The following TSPAN19 variants were observed in gnomAD, a reference collection of about 807,000 sequenced individuals.
TSPAN19 encodes tetraspanin 19, also known as tetraspanin-19.
In TSPAN19, 44 loss-of-function variants were observed where a neutral mutation model predicts 35.1. That is an observed-to-expected ratio of 1.25 (90% CI 0.98 to 1.61). TSPAN19 has a LOEUF of 1.61. TSPAN19 is among the 40% of genes most tolerant of loss of function. The pLI is 0.00. For synonymous variants in TSPAN19, 79 were observed against 92.0 expected, an observed-to-expected ratio of 0.86 and a Z score of 0.81; for missense variants, 290 against 280.0, an observed-to-expected ratio of 1.04 and a Z score of -0.26.
chr12:85,024,896 C>A lies in TSPAN19; in HGVS notation c.265-1496G>T, dbSNP rs1467742129. The A allele has an allele frequency of 3.3e-5, 5 of 151,914 alleles. No individual in the cohort carries two copies. The East Asian group carries it at 7.7e-4, about 24-fold the overall frequency. 9.4% of individuals were successfully genotyped at this position (151,914 alleles called of 1,614,324 possible). A position where few individuals can be genotyped will look rare whatever the true frequency, so the allele number is the denominator to read the frequency against. On this transcript the variant is annotated intron_variant, in intron 4 of 8. Transcript: ENST00000532498. ...TATTATTTATTTACTTTTTACTTGA[C>A]CCTCAGAGATAAAAATTATTTAATT...
rs976180906 is a variant in TSPAN19, at chr12:85,029,702, C to T, written c.139+17G>A. 1.3e-6 allele frequency: 2 copies of T among 1,521,780 alleles called. No homozygotes were observed. Among genetic ancestry groups the T allele is most frequent in the Non-Finnish European group, 1.8e-6 (2 of 1,133,904 alleles). The allele number at this position is 1,521,780 out of a possible 1,614,324, so 94.3% of individuals were successfully genotyped here. A position where few individuals can be genotyped will look rare whatever the true frequency, so the allele number is the denominator to read the frequency against. ...AATGTCTATTTCACTGAGAGAAAAA[C>T]AAAAATAGATACATACCAAAAGCTG... On this transcript the variant is annotated intron_variant, in intron 3 of 8. Transcript: ENST00000532498.
At chr12:85,030,508 A>C (rs1877634093) in intron 1 of TSPAN19, among the ~76,000 whole-genome samples, 1 of 151,956 alleles carries the variant, frequency 6.6e-6, no homozygotes, top group Non-Finnish European at 1.5e-5. Flanking sequence ...TTGCCTCTCA[A>C]ATTTCTCATT....
intron 5 of TSPAN19, among the ~76,000 whole-genome samples, chr12:85,021,889 C>T (rs185812115): frequency 4.6e-5 from 7 of 152,150 alleles, no homozygotes; most frequent in Non-Finnish European, 7.4e-5. Flanking sequence ...TAAAGTAGGA[C>T]TTACAGTGCT....
At position 85,028,022 on chromosome 12, in the gene TSPAN19, A is replaced by G. The variant is rs771716209; in HGVS notation, c.141T>C (p.Asp47=). The G allele has an allele frequency of 6.5e-7, 1 of 1,544,608 alleles. No homozygotes were observed. The highest frequency in any genetic ancestry group is 2.3e-5 in the East Asian group (1 of 43,554). ...LDRNNFLTAF[D]ENNHFIVPIS... ...TAGGTACTATGAAGTGATTATTTTC[A>G]TCTGTGAAAAGTACAAATTTACTTA... Residue 47 remains aspartate, a splice_region_variant and synonymous_variant, in exon 4 of 9, where the codon GAT becomes GAC. Transcript: ENST00000532498.
chr12:85,014,857 G>C (rs566785484), intron 8 of TSPAN19: 2 of 200,124 alleles, frequency 1.0e-5, no homozygotes, highest in African/African-American at 4.6e-5. Context: ...TGGTTTTCTT[G>C]TTGTTGTTGT....
intron 7 of TSPAN19, chr12:85,016,398 CACA>C (rs1194031833): frequency 3.3e-5 from 5 of 152,124 alleles, no homozygotes; most frequent in African/African-American, 4.8e-5. Context: ...ATAAATTAGG[CACA>C]ACAAGAGATT....
chr12:85,024,335 G>A (rs1032118250), intron 4 of TSPAN19, among the ~76,000 whole-genome samples: 3 of 152,168 alleles, frequency 2.0e-5, no homozygotes, highest in African/African-American at 7.2e-5. Context: ...GGAGTTTTCA[G>A]AAAGTCCTTA....
intron 1 of TSPAN19, among the ~76,000 whole-genome samples, chr12:85,035,520 T>C (rs1877937843): frequency 6.6e-6 from 1 of 152,166 alleles, no homozygotes; most frequent in Non-Finnish European, 1.5e-5. Flanking sequence ...AATTCAAGTT[T>C]ATTGTTACCA....
chr12:85,032,577 A>C (rs1355246540), intron 1 of TSPAN19, among the ~76,000 whole-genome samples: 2 of 152,130 alleles, frequency 1.3e-5, no homozygotes, highest in Non-Finnish European at 2.9e-5. Context: ...AAACACAACA[A>C]ACTGTGCATC....
At chr12:85,027,271 C>G (rs1463376618) in intron 4 of TSPAN19, among the ~76,000 whole-genome samples, 1 of 151,912 alleles carries the variant, frequency 6.6e-6, no homozygotes, top group Non-Finnish European at 1.5e-5. Flanking sequence ...CAATGGTAGA[C>G]ACTATTATTA....
intron 4 of TSPAN19, among the ~76,000 whole-genome samples, chr12:85,023,952 T>C (rs1877264299): frequency 6.6e-6 from 1 of 152,152 alleles, no homozygotes. Flanking sequence ...GTCTTCTTCA[T>C]CATAGCTGTT....
rs1419209769 is a variant in TSPAN19 at position 85,015,915 on chromosome 12, T to G, written c.651A>C (p.Gly217=). The G allele has an allele frequency of 6.5e-7, 1 of 1,549,514 alleles. No homozygotes were observed. Among genetic ancestry groups the G allele is most frequent in the Non-Finnish European group, 8.7e-7 (1 of 1,146,246 alleles). The change falls in exon 8 of 9, where the codon GGA becomes GGC. Residue 217 remains glycine (G), a synonymous_variant. Coordinates refer to ENST00000532498, the MANE Select transcript of TSPAN19 (RefSeq NM_001100917.2). The part of the protein sequence containing the change: ...WYNVNVLTLI[G]INFGLLTSEV... ...CTGAAGTTAAAAGTCCAAAGTTAATTCCGATTAAGGTTAACACATTAACAT... is the reference window on the plus strand; with the variant it reads ...CTGAAGTTAAAAGTCCAAAGTTAATGCCGATTAAGGTTAACACATTAACAT...
intron 5 of TSPAN19, among the ~76,000 whole-genome samples, chr12:85,021,992 C>T (rs556228871): frequency 1.3e-5 from 2 of 152,110 alleles, no homozygotes; most frequent in African/African-American, 2.4e-5. Context: ...GTTCTTATTT[C>T]TAATATATAG....
At chr12:85,022,347 T>G (rs2135801855) in intron 5 of TSPAN19, among the ~76,000 whole-genome samples, 1 of 152,188 alleles carries the variant, frequency 6.6e-6, no homozygotes, top group South Asian at 2.1e-4. Context: ...TGGAGGGCAA[T>G]GGTATCATAC....
At chr12:85,015,719 C>T (rs2135790094) in intron 8 of TSPAN19, 169 bp downstream of exon 8, 1 of 494,958 alleles carries the variant, frequency 2.0e-6, no homozygotes, top group East Asian at 3.4e-5. Flanking sequence ...GCTCCCCTGA[C>T]CTGGCTGATT....
chr12:85,027,309 G>T (rs1877461934), intron 4 of TSPAN19, among the ~76,000 whole-genome samples: 1 of 152,104 alleles, frequency 6.6e-6, no homozygotes, highest in South Asian at 2.1e-4. Flanking sequence ...GTGGGGCAAA[G>T]GTTGAAAAGT....
chr12:85,019,834 A>G, intron 5 of TSPAN19, 98 bp from the exon 6 acceptor site: 1 of 570,684 alleles, frequency 1.8e-6, no homozygotes, highest in East Asian at 3.1e-5. Context: ...TCATGAAAAG[A>G]ATATTCAATA....
At chr12:85,017,099 T>C (rs2135792476) in intron 7 of TSPAN19, 1 of 207,122 alleles carries the variant, frequency 4.8e-6, no homozygotes, top group Admixed American at 6.3e-5. Flanking sequence ...CCTATTCTTT[T>C]ACTCCTGGTG....
At position 85,015,541 on chromosome 12, in the gene TSPAN19, T is replaced by TACACAC. The variant is rs10549033; in HGVS notation, c.678+341_678+346dup. Reference sequence around the variant, plus strand: ...CTCTTACTGCCAATATATGAACATATACACACACACACACACACACACACA... The same window carrying TACACAC: ...CTCTTACTGCCAATATATGAACATATACACACACACACACACACACACACACACACA... On this transcript the variant is annotated intron_variant, in intron 8 of 8. Coordinates refer to ENST00000532498, the MANE Select transcript of TSPAN19 (RefSeq NM_001100917.2). 4.5e-3 allele frequency: 658 copies of TACACAC among 146,930 alleles called. 6 individuals carry two copies. The highest frequency in any genetic ancestry group is 0.014 in the African/African-American group (543 of 39,428). 9.1% of individuals were successfully genotyped at this position (146,930 alleles called of 1,614,324 possible). A position where few individuals can be genotyped will look rare whatever the true frequency, so the allele number is the denominator to read the frequency against.
Sources: gnomAD v4.1 joint callset for allele counts (sites outside exome capture counted in the v4.1 genomes callset) on GRCh38, gnomAD v4.1.1 for gene constraint, MANE v1.5 for transcripts, NCBI Gene and HGNC (gene_info 2026-07-23, HGNC 2026-07-21) for gene names.